The following CLSTN2 variants were observed in gnomAD, a reference collection of about 807,000 sequenced individuals.
CLSTN2 encodes calsyntenin-2.
CLSTN2 carries 48 observed loss-of-function variants against 101.2 expected under a neutral mutation model. The ratio of observed to expected loss-of-function variants is 0.47; its 90% CI spans 0.38 to 0.60. CLSTN2 has a LOEUF of 0.60. Ranked by LOEUF, CLSTN2 falls within the 20% of genes least tolerant of loss-of-function variation. The probability of loss-of-function intolerance (pLI) is 0.00; values close to 1 mark genes in which losing one functional copy is unlikely to be tolerated. For synonymous variants in CLSTN2, 481 were observed against 463.6 expected, an observed-to-expected ratio of 1.04 and a Z score of -0.48; for missense variants, 1,160 against 1,238.2, an observed-to-expected ratio of 0.94 and a Z score of 0.95.
At chr3:140,042,412 C>T (rs1480497178) in intron 1 of CLSTN2, among the ~76,000 whole-genome samples, 1 of 152,114 alleles carries the variant, frequency 6.6e-6, no homozygotes, top group African/African-American at 2.4e-5. Flanking sequence ...AGTACTTTAT[C>T]CCTTTTTATT....
intron 8 of CLSTN2, among the ~76,000 whole-genome samples, chr3:140,524,530 T>C (rs1935098165): frequency 6.6e-6 from 1 of 152,214 alleles, no homozygotes; most frequent in Non-Finnish European, 1.5e-5. Context: ...GTTAGTCAGA[T>C]CATTGAGGCA....
At chr3:140,160,812 C>A (rs754411592) in intron 1 of CLSTN2, among the ~76,000 whole-genome samples, 11 of 152,110 alleles carry the variant, frequency 7.2e-5, no homozygotes, top group Non-Finnish European at 1.5e-4. Context: ...CAATAGCTTT[C>A]AAAATACACC....
chr3:139,998,408 C>T (rs1274218645), intron 1 of CLSTN2, among the ~76,000 whole-genome samples: 1 of 121,720 alleles, frequency 8.2e-6, no homozygotes, highest in African/African-American at 3.0e-5. Context: ...GCGCGAGGCT[C>T]ACTGCAAGCT....
chr3:140,356,668 G>T (rs994555603), intron 2 of CLSTN2, among the ~76,000 whole-genome samples: 3 of 145,270 alleles, frequency 2.1e-5, no homozygotes, highest in African/African-American at 7.7e-5. Context: ...TGAGGCAGGA[G>T]AATTGCTTGA....
At chr3:140,535,605 G>A (rs1477745195) in intron 9 of CLSTN2, among the ~76,000 whole-genome samples, 1 of 152,220 alleles carries the variant, frequency 6.6e-6, no homozygotes, top group East Asian at 1.9e-4. Context: ...ACTTGCTTTG[G>A]CAAATTAACT....
chr3:140,494,977 C>T (rs1055148828), intron 8 of CLSTN2, among the ~76,000 whole-genome samples: 13 of 151,966 alleles, frequency 8.6e-5, no homozygotes, highest in Non-Finnish European at 1.9e-4. Flanking sequence ...GGATATATAC[C>T]CAGTAATGAG....
intron 2 of CLSTN2, among the ~76,000 whole-genome samples, chr3:140,365,437 A>G (rs1182792190): frequency 6.6e-6 from 1 of 152,180 alleles, no homozygotes; most frequent in Non-Finnish European, 1.5e-5. Flanking sequence ...TATCTTCAAA[A>G]TGCAATGTGA....
At chr3:140,323,972 A>T (rs2087308264) in intron 2 of CLSTN2, among the ~76,000 whole-genome samples, 1 of 152,224 alleles carries the variant, frequency 6.6e-6, no homozygotes, top group Admixed American at 6.5e-5. Context: ...CCTGAAGCAG[A>T]TCCCTCCTGA....
intron 2 of CLSTN2, among the ~76,000 whole-genome samples, chr3:140,247,710 TG>T (rs539779625): frequency 3.4e-4 from 52 of 152,182 alleles, no homozygotes; most frequent in African/African-American, 1.1e-3. Context: ...GAGGGCAGTG[TG>T]GGGGGCTCAT....
intron 1 of CLSTN2, among the ~76,000 whole-genome samples, chr3:140,095,035 T>A (rs967057231): frequency 3.3e-5 from 5 of 152,206 alleles, no homozygotes; most frequent in Non-Finnish European, 5.9e-5. Flanking sequence ...ATTTTATTGA[T>A]GGCATGATGC....
intron 2 of CLSTN2, among the ~76,000 whole-genome samples, chr3:140,286,959 C>T (rs2086900739): frequency 6.6e-6 from 1 of 152,050 alleles, no homozygotes; most frequent in East Asian, 1.9e-4. Context: ...AGGAATCAGG[C>T]TGGTCAGGAG....
intron 8 of CLSTN2, among the ~76,000 whole-genome samples, chr3:140,467,846 G>C (rs1464037583): frequency 2.0e-5 from 3 of 152,094 alleles, no homozygotes; most frequent in Non-Finnish European, 2.9e-5. Flanking sequence ...ATTCCAGGAG[G>C]AATTCATTCA....
chr3:140,281,522 A>G (rs527382819), intron 2 of CLSTN2, among the ~76,000 whole-genome samples: 1 of 152,298 alleles, frequency 6.6e-6, no homozygotes, highest in African/African-American at 2.4e-5. Context: ...TTTAATCCAG[A>G]AACACGTAGA....
chr3:140,062,057 G>C (rs1461418219), intron 1 of CLSTN2, among the ~76,000 whole-genome samples: 1 of 152,176 alleles, frequency 6.6e-6, no homozygotes, highest in Admixed American at 6.5e-5. Flanking sequence ...AGTGGTAGTG[G>C]TAGAGTACTG....
chr3:140,070,374 T>C (rs1285616605), intron 1 of CLSTN2, among the ~76,000 whole-genome samples: 1 of 152,230 alleles, frequency 6.6e-6, no homozygotes, highest in Admixed American at 6.5e-5. Flanking sequence ...ACAGACCTCA[T>C]TATAAGCCTT....
intron 1 of CLSTN2, among the ~76,000 whole-genome samples, chr3:139,989,612 C>T (rs1208916453): frequency 7.2e-5 from 11 of 152,158 alleles, no homozygotes; most frequent in Admixed American, 7.2e-4. Flanking sequence ...CCTCCCCATG[C>T]CTCTGGATTT....
chr3:140,387,124 C>T (rs1288788734), intron 2 of CLSTN2, among the ~76,000 whole-genome samples: 1 of 152,068 alleles, frequency 6.6e-6, no homozygotes, highest in East Asian at 1.9e-4. Context: ...CCTCATGGAG[C>T]TCTGAGGAGA....
At chr3:140,498,210 A>G (rs1934507105) in intron 8 of CLSTN2, among the ~76,000 whole-genome samples, 1 of 152,208 alleles carries the variant, frequency 6.6e-6, no homozygotes, top group Non-Finnish European at 1.5e-5. Flanking sequence ...GTGTGAGAAG[A>G]GAAAGAGAGA....
chr3:140,533,890 G>A (rs528707010), intron 9 of CLSTN2, among the ~76,000 whole-genome samples: 1 of 152,232 alleles, frequency 6.6e-6, no homozygotes, highest in South Asian at 2.1e-4. Flanking sequence ...TCAAAACCCA[G>A]GAAGGAGATA....
Sources: gnomAD v4.1 joint callset for allele counts (sites outside exome capture counted in the v4.1 genomes callset) on GRCh38, gnomAD v4.1.1 for gene constraint, MANE v1.5 for transcripts, NCBI Gene and HGNC (gene_info 2026-07-23, HGNC 2026-07-21) for gene names.